The following PTPRG variants were observed in gnomAD, a reference collection of about 807,000 sequenced individuals.
The protein encoded by PTPRG is protein tyrosine phosphatase receptor type G.
PTPRG carries 102 observed loss-of-function variants against 165.3 expected under a neutral mutation model. The ratio of observed to expected loss-of-function variants is 0.62; its 90% CI spans 0.53 to 0.73. The LOEUF (loss-of-function observed/expected upper bound fraction) is 0.73, where lower values mean the gene tolerates loss of function less well. Among genes scored for constraint, PTPRG ranks in the 30% least tolerant of loss-of-function variants. The probability of loss-of-function intolerance (pLI) is 0.00; values close to 1 mark genes in which losing one functional copy is unlikely to be tolerated. For missense variants in PTPRG, 1,866 were observed against 1,861.4 expected (o/e 1.00, Z -0.05); for synonymous variants, 675 against 669.5 (o/e 1.01, Z -0.13).
intron 5 of PTPRG, among the ~76,000 whole-genome samples, chr3:62,110,763 A>G (rs1309367067): frequency 2.0e-5 from 3 of 152,140 alleles, no homozygotes; most frequent in East Asian, 1.9e-4. Flanking sequence ...TGTCTTTTCA[A>G]TTGTTTCCCA....
intron 1 of PTPRG, among the ~76,000 whole-genome samples, chr3:61,583,929 T>C (rs1012157376): frequency 1.3e-5 from 2 of 152,190 alleles, no homozygotes; most frequent in Non-Finnish European, 2.9e-5. Context: ...AGGGCACCAA[T>C]ATCAGCTGGA....
rs921042250 is a variant in PTPRG at position 62,074,557 on chromosome 3, C to G, written c.520-3606C>G. 5.3e-5 allele frequency among the ~76,000 whole-genome samples: 8 copies of G among 151,904 alleles called. No homozygotes were observed. The South Asian group carries it at 1.5e-3, about 28-fold the overall frequency. On this transcript the variant is annotated intron_variant, in intron 4 of 29. Coordinates refer to ENST00000474889, the MANE Select transcript of PTPRG (RefSeq NM_002841.4). ...GGTCTCACTGTGTTGCCCAGGCTGG[C>G]CTCAAACTCCTGTTCTCAACCAGTC...
chr3:62,093,669 G>T (rs1029580236), intron 5 of PTPRG, among the ~76,000 whole-genome samples: 2 of 152,200 alleles, frequency 1.3e-5, no homozygotes, highest in Non-Finnish European at 2.9e-5. Context: ...AGGTACAAGG[G>T]ATTAGGAGCA....
intron 1 of PTPRG, among the ~76,000 whole-genome samples, chr3:61,673,489 T>C (rs1009826788): frequency 2.9e-4 from 44 of 152,350 alleles, no homozygotes; most frequent in Admixed American, 1.5e-3. Context: ...AATGCTATTA[T>C]TATTGAGAGC....
chr3:61,807,395 G>A (rs114479324), intron 2 of PTPRG, among the ~76,000 whole-genome samples: 1,618 of 152,240 alleles, frequency 0.011, 24 homozygotes, highest in African/African-American at 0.036. Flanking sequence ...AGCGTATATG[G>A]TATGCCAGTG....
rs1442715385 is a variant in PTPRG, at chr3:61,624,636, C to T, written c.85+62264C>T. On this transcript the variant is annotated intron_variant, in intron 1 of 29. Coordinates refer to ENST00000474889, the MANE Select transcript of PTPRG (RefSeq NM_002841.4). ...AATTAACCCTTATATGTTTAAGCCT[C>T]TGATAGCAGCAGCAGAATGCAGTTC... 2.0e-5 allele frequency among the ~76,000 whole-genome samples: 3 copies of T among 152,124 alleles called. No individual in the cohort carries two copies. In the East Asian group the frequency reaches 5.8e-4, roughly 29 times the overall value.
rs2041461438 is a variant in PTPRG at position 62,012,897 on chromosome 3, A to G, written c.519+9400A>G. ...TTAGTCAGCACTTATGCCTAGAGCT[A>G]TCTGTGCAAAAGGGTATACTTTTTA... On this transcript the variant is annotated intron_variant, in intron 4 of 29. Coordinates refer to ENST00000474889, the MANE Select transcript of PTPRG (RefSeq NM_002841.4). Among the ~76,000 whole-genome samples, 7 of 152,222 alleles carry G rather than the reference A, an allele frequency of 4.6e-5. No homozygotes were observed. The South Asian group carries it at 1.4e-3, about 31-fold the overall frequency.
chr3:61,743,733 G>A (rs976809557), intron 1 of PTPRG, among the ~76,000 whole-genome samples: 1 of 152,200 alleles, frequency 6.6e-6, no homozygotes, highest in African/African-American at 2.4e-5. Context: ...ACACTTGGTA[G>A]AATATATGTG....
intron 2 of PTPRG, among the ~76,000 whole-genome samples, chr3:61,752,058 T>A (rs1225363036): frequency 6.6e-6 from 1 of 152,164 alleles, no homozygotes; most frequent in African/African-American, 2.4e-5. Context: ...TATTACTTCT[T>A]GCTTATTTTT....
rs1379593254 is a variant in PTPRG, at chr3:62,293,392, T to C, written c.*85T>C. ...GCCTTTTTTGCCAGACTCTAGGTTA[T>C]ACAATAACCCAGTTACTTTTTTACA... On this transcript the variant is annotated 3_prime_UTR_variant, in exon 30 of 30. Coordinates refer to ENST00000474889, the MANE Select transcript of PTPRG (RefSeq NM_002841.4). 1 of 1,236,646 alleles carries C rather than the reference T, an allele frequency of 8.1e-7. No homozygotes were observed. Among genetic ancestry groups the C allele is most frequent in the Non-Finnish European group, 1.1e-6 (1 of 916,546 alleles). The allele number at this position is 1,236,646 out of a possible 1,614,324, so 76.6% of individuals were successfully genotyped here.
rs1441707875 is a variant in PTPRG, at chr3:62,252,405, GATGCATATGAAAACAGT to G, written c.2468-2712_2468-2696del. Among the ~76,000 whole-genome samples the G allele has an allele frequency of 1.3e-5, 2 of 152,186 alleles. No homozygotes were observed. Among genetic ancestry groups the G allele is most frequent in the Non-Finnish European group, 2.9e-5 (2 of 68,040 alleles). On this transcript the variant is annotated intron_variant, in intron 15 of 29. Coordinates refer to ENST00000474889, the MANE Select transcript of PTPRG (RefSeq NM_002841.4). The surrounding 1 kb of genome is among the most constrained non-coding windows in gnomAD (Gnocchi z 4.6). ...CATTCTAAACTTTTTTCAGCTGCAA[GATGCATATGAAAACAGT>G]ATGCATTTCTTGGAGTACATGTTAA...
chr3:62,110,623 G>A (rs1463502966), intron 5 of PTPRG, among the ~76,000 whole-genome samples: 1 of 151,952 alleles, frequency 6.6e-6, no homozygotes, highest in Non-Finnish European at 1.5e-5. Context: ...GTGCAATAGA[G>A]TTTGCAAGGC....
intron 5 of PTPRG, among the ~76,000 whole-genome samples, chr3:62,080,729 A>T (rs182848780): frequency 6.6e-6 from 1 of 152,186 alleles, no homozygotes; most frequent in East Asian, 1.9e-4. Context: ...AGCTCTATAA[A>T]CTCTTGTTAA....
intron 5 of PTPRG, among the ~76,000 whole-genome samples, chr3:62,117,798 T>C (rs561220221): frequency 1.6e-4 from 24 of 152,332 alleles, no homozygotes; most frequent in Non-Finnish European, 2.9e-4. Context: ...TCTGTACTTT[T>C]GTTTGTCTAA....
At chr3:62,187,777 A>G (rs146538714) in intron 8 of PTPRG, among the ~76,000 whole-genome samples, 44 of 152,234 alleles carry the variant, frequency 2.9e-4, no homozygotes, top group African/African-American at 1.0e-3. Context: ...AACAGAAGAG[A>G]CATCTCTCAT....
In PTPRG at chr3:62,093,386, T is replaced by C. The variant is rs191428985; in HGVS notation, c.615+15128T>C. On this transcript the variant is annotated intron_variant, in intron 5 of 29. Coordinates refer to ENST00000474889, the MANE Select transcript of PTPRG (RefSeq NM_002841.4). ...GTCCAACTTGAATTCTCTTCTCATTTTATAGTGAACGGCAGGAAGCCAAGT... is the reference window on the plus strand; with the variant it reads ...GTCCAACTTGAATTCTCTTCTCATTCTATAGTGAACGGCAGGAAGCCAAGT... Among the ~76,000 whole-genome samples, 358 of 152,348 alleles carry C rather than the reference T, an allele frequency of 2.3e-3. 1 individual carries two copies. The highest frequency in any genetic ancestry group is 3.9e-3 in the Non-Finnish European group (262 of 68,030).
chr3:62,207,509 G>A (rs1349958091), intron 12 of PTPRG, among the ~76,000 whole-genome samples: 1 of 152,142 alleles, frequency 6.6e-6, no homozygotes, highest in Admixed American at 6.5e-5. Flanking sequence ...TCATTTTAAT[G>A]TTAGTGATTT....
chr3:62,289,707 C>A lies in PTPRG; in HGVS notation c.4056-2714C>A, dbSNP rs1280569986. 1.3e-4 allele frequency among the ~76,000 whole-genome samples: 18 copies of A among 140,330 alleles called. 1 individual carries two copies. Among genetic ancestry groups the A allele is most frequent in the African/African-American group, 3.1e-4 (12 of 38,608 alleles). 92.1% of individuals were successfully genotyped at this position (140,330 alleles called of 152,430 possible). On this transcript the variant is annotated intron_variant, in intron 28 of 29. Coordinates refer to ENST00000474889, the MANE Select transcript of PTPRG (RefSeq NM_002841.4). Reference sequence around the variant, plus strand: ...CAACACCCATTCATGATCCCCCCCCCCCAAAAAAAACACTTAGAGTAAAAA... The same window carrying A: ...CAACACCCATTCATGATCCCCCCCCACCAAAAAAAACACTTAGAGTAAAAA...
intron 5 of PTPRG, among the ~76,000 whole-genome samples, chr3:62,097,748 A>G (rs973645397): frequency 1.4e-4 from 22 of 152,128 alleles, no homozygotes; most frequent in African/African-American, 5.1e-4. Flanking sequence ...CTTCTTTTCT[A>G]TTATTTTATA....
Sources: gnomAD v4.1 joint callset for allele counts (sites outside exome capture counted in the v4.1 genomes callset) on GRCh38, gnomAD v4.1.1 for gene constraint, Gnocchi (gnomAD v3.1) non-coding constraint, MANE v1.5 for transcripts, NCBI Gene and HGNC (gene_info 2026-07-23, HGNC 2026-07-21) for gene names.